GAK: variants seen among roughly 807,000 people sequenced by gnomAD.
GAK encodes the protein cyclin-G-associated kinase.
Under a neutral mutation model 143.9 loss-of-function variants are expected in GAK, and 79 were observed. The observed-to-expected ratio is 0.55, with a 90% CI of 0.46 to 0.66. The LOEUF is 0.66. Ranked by LOEUF, GAK falls within the 30% of genes least tolerant of loss-of-function variation. The pLI is 0.00. For synonymous variants in GAK, 881 were observed against 765.5 expected, an observed-to-expected ratio of 1.15 and a Z score of -2.49; for missense variants, 1,693 against 1,779.7, an observed-to-expected ratio of 0.95 and a Z score of 0.88.
At chr4:929,824 C>T (rs1304813840) in intron 1 of GAK, among the ~76,000 whole-genome samples, 4 of 152,190 alleles carry the variant, frequency 2.6e-5, no homozygotes, top group African/African-American at 9.7e-5. Flanking sequence ...TTTCCTAACT[C>T]ACTTGACAGC....
At chr4:863,972 G>A (rs1242563260) in intron 23 of GAK, among the ~76,000 whole-genome samples, 5 of 152,202 alleles carry the variant, frequency 3.3e-5, no homozygotes, top group African/African-American at 9.6e-5. Flanking sequence ...GCAGTGAGCC[G>A]AGATTGCACC....
At chr4:849,849 C>CCCCCCCCCCCAG in intron 27 of GAK, 43 bp downstream of exon 27, 1 of 1,425,662 alleles carries the variant, frequency 7.0e-7, no homozygotes, top group Non-Finnish European at 9.6e-7. Flanking sequence ...CCCCCCGCCC[C>CCCCCCCCCCCAG]GCCCCTGAAG....
rs1577078194 is a variant in GAK, at chr4:866,653, G to A, written c.2873-119C>T. The stretch of plus-strand genomic sequence containing the variant: ...CCAGCTGGGCAGCCCAGACCCCACG[G>A]CTGCCCTCGCAGGGGCACTGAGGCA... On this transcript the variant is annotated intron_variant, in intron 21 of 27. Coordinates refer to ENST00000314167, the MANE Select transcript of GAK (RefSeq NM_005255.4). 17 of 1,120,466 alleles carry A rather than the reference G, an allele frequency of 1.5e-5. No individual in the cohort carries two copies. The East Asian group carries it at 4.0e-4, about 26-fold the overall frequency. 69.4% of individuals were successfully genotyped at this position (1,120,466 alleles called of 1,614,324 possible).
Position 876,572 on chromosome 4 carries a change from G to A in GAK, c.2012C>T (p.Thr671Met), listed in dbSNP as rs928545900. Residue 671 changes from threonine to methionine, a missense_variant, in exon 18 of 28, where the codon ACG becomes ATG. Around this residue, in one of 2 missense-constraint regions of GAK, gnomAD observed 871 missense variants for 991.0 expected, o/e 0.88. Transcript: ENST00000314167. ...SMKMFQIQFHTGFVPRNATTV... is the reference protein window; with the variant it reads ...SMKMFQIQFHMGFVPRNATTV... ...GGTGGCGTTCCGAGGCACAAACCCC[G>A]TGTGGAACTGAATCTGGAACATCTT... 1 of 1,614,172 alleles carries A rather than the reference G, an allele frequency of 6.2e-7. No homozygotes were observed. Among genetic ancestry groups the A allele is most frequent in the South Asian group, 1.1e-5 (1 of 91,084 alleles).
chr4:895,743 G>A (rs1349687551), intron 7 of GAK, among the ~76,000 whole-genome samples: 1 of 152,236 alleles, frequency 6.6e-6, no homozygotes, highest in East Asian at 1.9e-4. Flanking sequence ...TTGGAGAGAT[G>A]CAGGGATGAG....
At chr4:877,325 G>C in intron 16 of GAK, 118 bp from the exon 17 acceptor site, 1 of 737,608 alleles carries the variant, frequency 1.4e-6, no homozygotes, top group East Asian at 2.6e-5. Context: ...AACCAATAAA[G>C]AATAACCCCC....
At chr4:915,025 CAA>C (rs1722877413) in intron 1 of GAK, among the ~76,000 whole-genome samples, 1 of 129,560 alleles carries the variant, frequency 7.7e-6, no homozygotes, top group Non-Finnish European at 1.7e-5. Flanking sequence ...ACACGGCCCC[CAA>C]CACACACAGC....
Position 881,738 on chromosome 4 carries a change from C to G in GAK, c.1661+169G>C, listed in dbSNP as rs1025426641. On this transcript the variant is annotated intron_variant, in intron 15 of 27. Transcript: ENST00000314167. ...GCTGAGGGCCCATCCTCCCCGGGCT[C>G]TGCGGCCGTAAGCCCAGGGCTCAGC... Among the ~76,000 whole-genome samples, 23 of 152,388 alleles carry G rather than the reference C, an allele frequency of 1.5e-4. 5 individuals carry two copies. Among genetic ancestry groups the G allele is most frequent in the East Asian group, 1.9e-4 (1 of 5,184 alleles).
rs554471129 is a variant in GAK, at chr4:916,292, C to T, written c.146-2624G>A. On this transcript the variant is annotated intron_variant, in intron 1 of 27. Transcript: ENST00000314167. ...TTTTTTCTTCTGAGACAGGGTCCTA[C>T]TCTGTCACCAGGATGGAGTGCAGTG... Among the ~76,000 whole-genome samples, 36 of 152,308 alleles carry T rather than the reference C, an allele frequency of 2.4e-4. No individual in the cohort carries two copies. The South Asian group carries it at 7.0e-3, about 30-fold the overall frequency.
intron 18 of GAK, among the ~76,000 whole-genome samples, chr4:871,344 G>A (rs1362689825): frequency 6.6e-5 from 10 of 152,200 alleles, no homozygotes; most frequent in Admixed American, 1.3e-4. Flanking sequence ...CAAGGCAGGC[G>A]CTGGCCCTCA....
chr4:860,363 C>T lies in GAK; in HGVS notation c.3167-641G>A, dbSNP rs1750062133. Among the ~76,000 whole-genome samples the T allele has an allele frequency of 2.7e-5, 4 of 149,226 alleles. No homozygotes were observed. In the South Asian group the frequency reaches 6.4e-4, roughly 24 times the overall value. On this transcript the variant is annotated intron_variant, in intron 23 of 27. Transcript: ENST00000314167. ...ACTCTGTCTCAAAAAAAAAAAAAAC[C>T]GTGGTAGAGCTACTTGATAGAGTGC...
At chr4:852,116 C>A (rs1748269722) in intron 24 of GAK, 142 bp from the exon 25 acceptor site, 1 of 738,010 alleles carries the variant, frequency 1.4e-6, no homozygotes, top group Non-Finnish European at 2.3e-6. Context: ...TCCAGAGGTG[C>A]CGGCTCCACC....
intron 4 of GAK, among the ~76,000 whole-genome samples, chr4:909,331 C>CA (rs1212690804): frequency 6.6e-6 from 1 of 152,272 alleles, no homozygotes; most frequent in Non-Finnish European, 1.5e-5. Flanking sequence ...GAGCGGGTGT[C>CA]AGAGTCCAGG....
At chr4:880,002 G>A (rs544076353) in intron 15 of GAK, among the ~76,000 whole-genome samples, 5 of 152,264 alleles carry the variant, frequency 3.3e-5, no homozygotes, top group South Asian at 2.1e-4. Context: ...ACTGGACCGC[G>A]CACCTGCCTG....
intron 9 of GAK, 134 bp downstream of exon 9, chr4:893,243 A>C (rs544328139): frequency 1.7e-5 from 10 of 575,378 alleles, no homozygotes; most frequent in Non-Finnish European, 3.0e-5. Context: ...CTTAGGGTTC[A>C]CGTGTGCCTC....
intron 1 of GAK, among the ~76,000 whole-genome samples, chr4:926,048 T>A (rs1560449153): frequency 6.6e-6 from 1 of 151,144 alleles, no homozygotes; most frequent in Non-Finnish European, 1.5e-5. Flanking sequence ...AACGTCTAAT[T>A]CACCCCAAGG....
intron 23 of GAK, among the ~76,000 whole-genome samples, chr4:863,369 G>A (rs1407828743): frequency 2.6e-5 from 4 of 152,232 alleles, no homozygotes; most frequent in Admixed American, 6.5e-5. Context: ...AAGATGCTGT[G>A]AACACTGAAA....
Position 899,663 on chromosome 4 carries a change from C to G in GAK, c.526-1505G>C, listed in dbSNP as rs530637947. ...GCTGAGGGAGCAGCACCCGCCATGCCCCAGGACAGCAAAGTGCAGAGCCGT... is the reference window on the plus strand; with the variant it reads ...GCTGAGGGAGCAGCACCCGCCATGCGCCAGGACAGCAAAGTGCAGAGCCGT... On this transcript the variant is annotated intron_variant, in intron 5 of 27. Coordinates refer to ENST00000314167, the MANE Select transcript of GAK (RefSeq NM_005255.4). Among the ~76,000 whole-genome samples the G allele has an allele frequency of 1.3e-4, 20 of 152,294 alleles. No individual in the cohort carries two copies. In the South Asian group the frequency reaches 4.1e-3, roughly 32 times the overall value.
intron 21 of GAK, 74 bp from the exon 22 acceptor site, chr4:866,608 G>A (rs952371791): frequency 6.1e-5 from 92 of 1,519,944 alleles, no homozygotes; most frequent in Non-Finnish European, 7.4e-5. Flanking sequence ...TCTGGAGTCA[G>A]GCCTGCCCAA....
Sources: gnomAD v4.1 joint callset for allele counts (sites outside exome capture counted in the v4.1 genomes callset) on GRCh38, gnomAD v4.1.1 for gene constraint, gnomAD v4.1.1 regional missense constraint, MANE v1.5 for transcripts, NCBI Gene and HGNC (gene_info 2026-07-23, HGNC 2026-07-21) for gene names.